The following MYO1H variants were observed in gnomAD, a reference collection of about 807,000 sequenced individuals.
MYO1H encodes the protein myosin IH, also known as unconventional myosin-Ih.
Under a neutral mutation model 149.3 loss-of-function variants are expected in MYO1H, and 118 were observed. That is an observed-to-expected ratio of 0.79 (90% CI 0.68 to 0.92). The LOEUF is 0.92. Among genes scored for constraint, MYO1H ranks in the 40% least tolerant of loss-of-function variants. The probability of loss-of-function intolerance (pLI) is 0.00; values close to 1 mark genes in which losing one functional copy is unlikely to be tolerated. For missense variants in MYO1H, 1,212 were observed against 1,280.7 expected (o/e 0.95, Z 0.82); for synonymous variants, 447 against 465.2 (o/e 0.96, Z 0.50).
the MYO1H span, among the ~76,000 whole-genome samples, chr12:109,340,941 C>CT: frequency 1.3e-5 from 2 of 152,106 alleles, no homozygotes; most frequent in African/African-American, 2.4e-5. Context: ...AATCCCCGCA[C>CT]TTTGGGAGGC....
At chr12:109,417,358 T>C (rs1432857075) in intron 15 of MYO1H, among the ~76,000 whole-genome samples, 2 of 152,132 alleles carry the variant, frequency 1.3e-5, no homozygotes, top group Admixed American at 6.5e-5. Flanking sequence ...TGTGATGTTC[T>C]GCTCTGTCTC....
chr12:109,324,845 AT>A, the MYO1H span, among the ~76,000 whole-genome samples: 2 of 152,062 alleles, frequency 1.3e-5, no homozygotes, highest in Admixed American at 6.6e-5. Flanking sequence ...TGCATTAGAT[AT>A]TTGGCCTAAT....
chr12:109,428,417 T>G (rs560201507), intron 19 of MYO1H, among the ~76,000 whole-genome samples: 4 of 152,278 alleles, frequency 2.6e-5, no homozygotes, highest in Admixed American at 2.0e-4. Flanking sequence ...TTCCCTTATC[T>G]GTAGGATTAA....
At chr12:109,386,680 C>A (rs1869328611) in intron 1 of MYO1H, among the ~76,000 whole-genome samples, 1 of 152,098 alleles carries the variant, frequency 6.6e-6, no homozygotes, top group Admixed American at 6.6e-5. Flanking sequence ...GCCAAATTTT[C>A]ATTGGGTTTG....
intron 16 of MYO1H, among the ~76,000 whole-genome samples, chr12:109,421,989 A>T (rs949370251): frequency 6.6e-6 from 1 of 151,512 alleles, no homozygotes; most frequent in African/African-American, 2.4e-5. Flanking sequence ...CACCCAACTA[A>T]TTTTTTTGTT....
At chr12:109,317,322 A>G in the MYO1H span, among the ~76,000 whole-genome samples, 2 of 152,210 alleles carry the variant, frequency 1.3e-5, no homozygotes, top group African/African-American at 4.8e-5. Context: ...GTTTCTATTT[A>G]AATAATTTAA....
intron 1 of MYO1H, among the ~76,000 whole-genome samples, chr12:109,377,869 T>C (rs1869115649): frequency 6.6e-6 from 1 of 152,192 alleles, no homozygotes. Flanking sequence ...ATAATAATCA[T>C]CTCATGGCCA....
intron 30 of MYO1H, 67 bp downstream of exon 30, chr12:109,444,596 G>A: frequency 1.6e-6 from 2 of 1,259,218 alleles, no homozygotes; most frequent in South Asian, 2.5e-5. Flanking sequence ...GCCGAGCGTG[G>A]TGGCTCATGC....
chr12:109,382,975 A>G (rs1210577970), intron 1 of MYO1H, among the ~76,000 whole-genome samples: 2 of 151,636 alleles, frequency 1.3e-5, no homozygotes, highest in Non-Finnish European at 1.5e-5. Context: ...TACACAGACA[A>G]TGACAATACA....
chr12:109,432,838 T>TG, intron 19 of MYO1H, 59 bp from the exon 20 acceptor site: 2 of 1,443,804 alleles, frequency 1.4e-6, no homozygotes, highest in Non-Finnish European at 1.9e-6. Flanking sequence ...GCCGGGGATG[T>TG]GGGGGAGGGC....
At chr12:109,338,765 C>CAAA in the MYO1H span, among the ~76,000 whole-genome samples, 17 of 87,286 alleles carry the variant, frequency 1.9e-4, no homozygotes, top group African/African-American at 5.2e-4. Flanking sequence ...GACTCCATCT[C>CAAA]AAAAAAAAAA....
At chr12:109,360,114 T>C (rs1237899940) in intron 1 of MYO1H, among the ~76,000 whole-genome samples, 1 of 148,730 alleles carries the variant, frequency 6.7e-6, no homozygotes, top group East Asian at 1.9e-4. Context: ...CTTTTTCTTC[T>C]TTCTTTTTTT....
chr12:109,311,217 T>G, the MYO1H span, among the ~76,000 whole-genome samples: 1 of 152,208 alleles, frequency 6.6e-6, no homozygotes, highest in Non-Finnish European at 1.5e-5. Context: ...CTGTGAGTTC[T>G]GTAGACTCAT....
the MYO1H span, among the ~76,000 whole-genome samples, chr12:109,312,350 CT>C: frequency 6.6e-6 from 1 of 152,088 alleles, no homozygotes; most frequent in African/African-American, 2.4e-5. Flanking sequence ...GTAGCTGGGA[CT>C]ACAGGCGCCT....
intron 16 of MYO1H, among the ~76,000 whole-genome samples, chr12:109,422,009 C>G (rs1330898128): frequency 6.6e-6 from 1 of 152,022 alleles, no homozygotes; most frequent in Non-Finnish European, 1.5e-5. Context: ...TTGTTAGAGA[C>G]AGGATCTTGC....
At chr12:109,318,863 A>T in the MYO1H span, among the ~76,000 whole-genome samples, 1 of 149,302 alleles carries the variant, frequency 6.7e-6, no homozygotes, top group African/African-American at 2.5e-5. Flanking sequence ...GCCAAAGTGG[A>T]TGTCTTACTT....
the MYO1H span, among the ~76,000 whole-genome samples, chr12:109,322,917 G>C: frequency 6.6e-6 from 1 of 150,644 alleles, no homozygotes; most frequent in Non-Finnish European, 1.5e-5. Context: ...GACCATCCTG[G>C]CCAACATGGT....
At chr12:109,409,787 C>A (rs566443390) in intron 11 of MYO1H, among the ~76,000 whole-genome samples, 163 bp downstream of exon 11, 1 of 152,178 alleles carries the variant, frequency 6.6e-6, no homozygotes, top group Admixed American at 6.5e-5. Context: ...TGTGGACTAA[C>A]CATAAAAATG....
intron 1 of MYO1H, among the ~76,000 whole-genome samples, chr12:109,364,587 G>A (rs978474666): frequency 6.6e-6 from 1 of 151,998 alleles, no homozygotes; most frequent in Non-Finnish European, 1.5e-5. Context: ...GGCTTCCCAC[G>A]TTCTTTTTTA....
Sources: allele counts gnomAD v4.1 joint callset (sites outside exome capture counted in the v4.1 genomes callset), GRCh38; gene constraint gnomAD v4.1.1; transcripts MANE v1.5; gene names NCBI Gene and HGNC (gene_info 2026-07-23, HGNC 2026-07-21).